Variants in EQTN observed in about 807,000 individuals in gnomAD.
EQTN encodes Acrosome formation associated factor.
In EQTN, 29 loss-of-function variants were observed where a neutral mutation model predicts 26.9. The ratio of observed to expected loss-of-function variants is 1.08; its 90% CI spans 0.80 to 1.47. The LOEUF (loss-of-function observed/expected upper bound fraction) is 1.47, where lower values mean the gene tolerates loss of function less well. EQTN is among the 40% of genes most tolerant of loss of function. The probability of loss-of-function intolerance (pLI) is 0.00; values close to 1 mark genes in which losing one functional copy is unlikely to be tolerated. For synonymous variants in EQTN, 129 were observed against 120.0 expected (o/e 1.07, Z -0.49); for missense variants, 391 against 346.1 (o/e 1.13, Z -1.03).
At chr9:27,294,265 A>C in intron 3 of EQTN, 51 bp downstream of exon 3, 1 of 1,331,910 alleles carries the variant, frequency 7.5e-7, no homozygotes, top group East Asian at 2.3e-5. Context: ...GCTGTTTTGA[A>C]ATCCTGCTTT....
At chr9:27,286,408 TCTC>T (rs772061757) in intron 6 of EQTN, 46 bp from the exon 7 acceptor site, 2 of 1,538,872 alleles carry the variant, frequency 1.3e-6, no homozygotes, top group Non-Finnish European at 1.8e-6. Context: ...TTCAGTGTGT[TCTC>T]CTGAAGGAGT....
At chr9:27,293,464 C>A (rs529232885) in intron 3 of EQTN, among the ~76,000 whole-genome samples, 9 of 152,286 alleles carry the variant, frequency 5.9e-5, no homozygotes, top group South Asian at 4.1e-4. Context: ...TAGAACGTCC[C>A]TACCATGCCA....
intron 5 of EQTN, 51 bp from the exon 6 acceptor site, chr9:27,289,782 A>G (rs1297632105): frequency 2.0e-6 from 3 of 1,477,924 alleles, no homozygotes; most frequent in Non-Finnish European, 2.8e-6. Context: ...TACTAAAATT[A>G]TTGCCTGTGT....
At chr9:27,285,762 C>A (rs1247118281) in intron 7 of EQTN, among the ~76,000 whole-genome samples, 1 of 152,134 alleles carries the variant, frequency 6.6e-6, no homozygotes, top group African/African-American at 2.4e-5. Flanking sequence ...ATAATTCCTT[C>A]AATCAGGCTT....
chr9:27,294,744 C>A (rs989700443), intron 2 of EQTN, among the ~76,000 whole-genome samples: 2 of 152,136 alleles, frequency 1.3e-5, no homozygotes, highest in Non-Finnish European at 2.9e-5. Flanking sequence ...TATCAAAAAA[C>A]CGGGTAAGAA....
Position 27,289,658 on chromosome 9 carries a change from T to C in EQTN, c.481+14A>G. The C allele has an allele frequency of 6.3e-7, 1 of 1,597,352 alleles. No homozygotes were observed. The highest frequency in any genetic ancestry group is 8.5e-7 in the Non-Finnish European group (1 of 1,170,736). On this transcript the variant is annotated intron_variant, in intron 6 of 7. Coordinates refer to ENST00000380032, the MANE Select transcript of EQTN (RefSeq NM_020641.3). ...AGCCACTGCACCCAGTCAATTGAAA[T>C]ATTTTGTTCTTACCTGGAATTGGGT...
chr9:27,290,180 G>T (rs533914586), intron 5 of EQTN, among the ~76,000 whole-genome samples: 2 of 152,140 alleles, frequency 1.3e-5, no homozygotes, highest in African/African-American at 4.8e-5. Context: ...TACATTTGGG[G>T]GCCATTTTAA....
At chr9:27,287,735 T>C (rs1205983962) in intron 6 of EQTN, among the ~76,000 whole-genome samples, 1 of 152,222 alleles carries the variant, frequency 6.6e-6, no homozygotes, top group Non-Finnish European at 1.5e-5. Context: ...ATTTATAAAA[T>C]GAGCCAGCAT....
intron 5 of EQTN, 92 bp downstream of exon 5, chr9:27,290,927 T>G (rs1362840819): frequency 9.9e-7 from 1 of 1,009,928 alleles, no homozygotes; most frequent in East Asian, 2.6e-5. Flanking sequence ...ACTTATTGTC[T>G]CAGTATTAGA....
intron 6 of EQTN, among the ~76,000 whole-genome samples, chr9:27,288,425 C>T (rs888390874): frequency 6.6e-6 from 1 of 152,168 alleles, no homozygotes; most frequent in African/African-American, 2.4e-5. Flanking sequence ...ATCTTCCCAC[C>T]TTGCCCTCCC....
chr9:27,295,419 T>C (rs1023186496), intron 2 of EQTN, among the ~76,000 whole-genome samples: 1 of 152,226 alleles, frequency 6.6e-6, no homozygotes, highest in Non-Finnish European at 1.5e-5. Flanking sequence ...TAATTAAATA[T>C]AAGTTTCACA....
intron 3 of EQTN, among the ~76,000 whole-genome samples, chr9:27,293,381 G>A (rs1218480112): frequency 1.3e-5 from 2 of 152,020 alleles, no homozygotes; most frequent in Non-Finnish European, 2.9e-5. Context: ...AGAGTTTTAG[G>A]GACTATACTT....
intron 4 of EQTN, 76 bp from the exon 5 acceptor site, chr9:27,291,139 A>T: frequency 7.5e-7 from 1 of 1,334,448 alleles, no homozygotes; most frequent in East Asian, 2.5e-5. Context: ...TTTGAGGAAC[A>T]TTCGTTTGTT....
At chr9:27,296,873 A>G (rs41303659) in intron 1 of EQTN, 107 bp downstream of exon 1, 7 of 1,554,890 alleles carry the variant, frequency 4.5e-6, no homozygotes, top group Non-Finnish European at 5.2e-6. Context: ...AGCTCCAACA[A>G]TAAAGTTTAT....
chr9:27,284,977 A>G lies in EQTN; in HGVS notation c.636-5T>C, dbSNP rs750018245. ...TGACTCTCACAACTTTTATAACTGA[A>G]GAAGAAAAGAACATATATCAAGAAT... On this transcript the variant is annotated splice_region_variant and splice_polypyrimidine_tract_variant and intron_variant, in intron 7 of 7. Coordinates refer to ENST00000380032, the MANE Select transcript of EQTN (RefSeq NM_020641.3). 6.2e-7 allele frequency: 1 copy of G among 1,607,508 alleles called. No individual in the cohort carries two copies. The highest frequency in any genetic ancestry group is 8.5e-7 in the Non-Finnish European group (1 of 1,177,422).
At chr9:27,285,693 T>C (rs1820105236) in intron 7 of EQTN, among the ~76,000 whole-genome samples, 2 of 152,200 alleles carry the variant, frequency 1.3e-5, no homozygotes, top group South Asian at 4.1e-4. Context: ...ATTATGAACA[T>C]TAAGCAATTC....
chr9:27,285,748 T>A lies in EQTN; in HGVS notation c.635+461A>T, dbSNP rs183841521. Among the ~76,000 whole-genome samples the A allele has an allele frequency of 3.3e-5, 5 of 152,358 alleles. No individual in the cohort carries two copies. In the East Asian group the frequency reaches 9.6e-4, roughly 29 times the overall value. ...AATCTGTTACACTGCCTGAAAAATG[T>A]TAAATAATTCCTTCAATCAGGCTTG... On this transcript the variant is annotated intron_variant, in intron 7 of 7. Transcript: ENST00000380032.
chr9:27,287,228 G>C (rs969984943), intron 6 of EQTN, among the ~76,000 whole-genome samples: 1 of 152,150 alleles, frequency 6.6e-6, no homozygotes, highest in East Asian at 1.9e-4. Context: ...GCAATGACAA[G>C]CTTCCATGTC....
chr9:27,289,145 A>G (rs374645113), intron 6 of EQTN, among the ~76,000 whole-genome samples: 23 of 152,344 alleles, frequency 1.5e-4, no homozygotes, highest in African/African-American at 5.5e-4. Context: ...TTTAAACCCA[A>G]AACTGCTCTA....
Sources: gnomAD v4.1 joint callset for allele counts (sites outside exome capture counted in the v4.1 genomes callset) on GRCh38, gnomAD v4.1.1 for gene constraint, MANE v1.5 for transcripts, NCBI Gene and HGNC (gene_info 2026-07-23, HGNC 2026-07-21) for gene names.